The following NELL2 variants were observed in gnomAD, a reference collection of about 807,000 sequenced individuals.
NELL2 encodes protein kinase C-binding protein NELL2.
Under a neutral mutation model 109.6 loss-of-function variants are expected in NELL2, and 41 were observed. That is an observed-to-expected ratio of 0.37 (90% CI 0.29 to 0.49). The LOEUF (loss-of-function observed/expected upper bound fraction) is 0.49. Ranked by LOEUF, NELL2 falls within the 20% of genes least tolerant of loss-of-function variation. NELL2 has a pLI of 0.98. For missense variants in NELL2, 900 were observed against 1,008.3 expected, an observed-to-expected ratio of 0.89 and a Z score of 1.45; for synonymous variants, 355 against 344.7, an observed-to-expected ratio of 1.03 and a Z score of -0.33.
intron 3 of NELL2, among the ~76,000 whole-genome samples, chr12:44,783,406 T>C (rs566537459): frequency 5.3e-5 from 8 of 151,186 alleles, no homozygotes; most frequent in Non-Finnish European, 1.0e-4. Flanking sequence ...TTTAAAAAAA[T>C]TGAAAAAAAT....
In NELL2 at chr12:44,663,874, C is replaced by T. The variant is rs151040771; in HGVS notation, c.1444+1610G>A. On this transcript the variant is annotated intron_variant, in intron 13 of 19. Coordinates refer to ENST00000429094, the MANE Select transcript of NELL2 (RefSeq NM_001145108.2). ...ATGTCCTTTCACTTAAAATTTCTAA[C>T]ACTACTTTAAGAATATAACAAAAAC... Among the ~76,000 whole-genome samples, 684 of 152,212 alleles carry T rather than the reference C, an allele frequency of 4.5e-3. 12 individuals carry two copies. The East Asian group carries it at 0.052, about 12-fold the overall frequency.
chr12:44,513,589 T>G (rs1042912318), intron 19 of NELL2, among the ~76,000 whole-genome samples: 21 of 151,776 alleles, frequency 1.4e-4, no homozygotes, highest in African/African-American at 5.1e-4. Context: ...TACTAAAAAT[T>G]AAGTGGAAAT....
intron 12 of NELL2, among the ~76,000 whole-genome samples, chr12:44,683,197 C>G (rs893751885): frequency 2.6e-5 from 4 of 152,222 alleles, no homozygotes; most frequent in Admixed American, 2.0e-4. Flanking sequence ...AACGGGAGTT[C>G]ACTCATGATT....
exon 1 of NELL2, chr12:44,913,889 G>A: frequency 1.8e-6 from 1 of 569,522 alleles, no homozygotes; most frequent in Non-Finnish European, 2.9e-6. Context: ...ATTGAATAAA[G>A]CATCTTCCTT....
At chr12:44,791,148 CAT>C (rs1942403355) in intron 3 of NELL2, among the ~76,000 whole-genome samples, 3 of 92,496 alleles carry the variant, frequency 3.2e-5, no homozygotes, top group Non-Finnish European at 6.2e-5. Flanking sequence ...CACGCACACA[CAT>C]ACACACACAC....
At chr12:44,750,607 T>A (rs537597003) in intron 9 of NELL2, among the ~76,000 whole-genome samples, 103 of 152,254 alleles carry the variant, frequency 6.8e-4, no homozygotes, top group African/African-American at 2.4e-3. Flanking sequence ...AGGTGACCAT[T>A]GCTCATGGAA....
chr12:44,671,448 A>G (rs1029854524), intron 12 of NELL2, among the ~76,000 whole-genome samples: 1 of 152,184 alleles, frequency 6.6e-6, no homozygotes, highest in East Asian at 1.9e-4. Flanking sequence ...ATCAGACCAG[A>G]AATAAAACAG....
intron 17 of NELL2, among the ~76,000 whole-genome samples, chr12:44,522,482 A>G (rs1341658799): frequency 6.6e-6 from 1 of 152,172 alleles, no homozygotes; most frequent in Non-Finnish European, 1.5e-5. Flanking sequence ...ATACGTAAGT[A>G]TATATTTGTA....
chr12:44,709,481 T>C (rs146004249), intron 11 of NELL2, among the ~76,000 whole-genome samples: 2 of 152,324 alleles, frequency 1.3e-5, no homozygotes, highest in East Asian at 3.9e-4. Context: ...CTTCCAGCCC[T>C]ACAGCATTGA....
chr12:44,759,195 T>C (rs1941016724), intron 9 of NELL2, among the ~76,000 whole-genome samples: 1 of 152,296 alleles, frequency 6.6e-6, no homozygotes, highest in Middle Eastern at 3.4e-3. Flanking sequence ...TCCTCCCTCC[T>C]GAATCATCCT....
At position 44,564,173 on chromosome 12, in the gene NELL2, T is replaced by C. The variant is rs574774167; in HGVS notation, c.1664-31452A>G. ...TTCAAACTAAACATTTTACCTATAGTTTTTAGTGAGTTAAACGACAAATTC... is the reference window on the plus strand; with the variant it reads ...TTCAAACTAAACATTTTACCTATAGCTTTTAGTGAGTTAAACGACAAATTC... On this transcript the variant is annotated intron_variant, in intron 15 of 19. Transcript: ENST00000429094. Among the ~76,000 whole-genome samples, 20 of 152,286 alleles carry C rather than the reference T, an allele frequency of 1.3e-4. 1 individual carries two copies. Among genetic ancestry groups the C allele is most frequent in the Admixed American group, 1.2e-3 (18 of 15,292 alleles).
chr12:44,728,093 TA>T (rs1037540204), intron 9 of NELL2, among the ~76,000 whole-genome samples: 2 of 151,228 alleles, frequency 1.3e-5, no homozygotes, highest in South Asian at 2.1e-4. Flanking sequence ...CTCAGCCTAA[TA>T]AAAAAAATAA....
In NELL2 at chr12:44,774,858, G is replaced by C. The variant is rs1383997666; in HGVS notation, c.892-9C>G. 6.3e-7 allele frequency: 1 copy of C among 1,581,256 alleles called. No individual in the cohort carries two copies. The highest frequency in any genetic ancestry group is 1.7e-5 in the Admixed American group (1 of 57,162). On this transcript the variant is annotated splice_polypyrimidine_tract_variant and intron_variant, in intron 8 of 19. Coordinates refer to ENST00000429094, the MANE Select transcript of NELL2 (RefSeq NM_001145108.2). ...CACTGGATGGTTCCATTCTGAAAAG[G>C]AAACAATATTTAAAGAATTTCCATG...
chr12:44,799,053 G>A (rs1333219914), intron 3 of NELL2, among the ~76,000 whole-genome samples: 5 of 147,366 alleles, frequency 3.4e-5, no homozygotes, highest in Non-Finnish European at 6.0e-5. Context: ...CTGCCTCCCG[G>A]GTTCAAGTGA....
At chr12:44,857,518 C>T (rs1472537588) in intron 2 of NELL2, among the ~76,000 whole-genome samples, 1 of 152,152 alleles carries the variant, frequency 6.6e-6, no homozygotes, top group African/African-American at 2.4e-5. Context: ...GAAATCTTAT[C>T]CTCCATCACC....
Position 44,875,246 on chromosome 12 carries a change from T to C in NELL2, c.163A>G (p.Thr55Ala). 6.2e-7 allele frequency: 1 copy of C among 1,613,650 alleles called. No individual in the cohort carries two copies. Among genetic ancestry groups the C allele is most frequent in the Non-Finnish European group, 8.5e-7 (1 of 1,179,778 alleles). Residue 55 changes from threonine to alanine, a missense_variant, in exon 2 of 20, where the codon ACG becomes GCG. Physicochemically the swap from Thr to Ala is moderately conservative, Grantham distance 58. This residue lies in a region of NELL2 where 200 missense variants were observed against 191.8 expected (regional missense o/e 1.04). Transcript: ENST00000429094. ...ATACCTTGAAAGAGAAAGGCTTTCG[T>C]CCCATTATGCAGCCCCGGGACCTGA... ...VRQVPGLHNG[T>A]KAFLFQDTPR...
chr12:44,738,738 T>C (rs1347178247), intron 9 of NELL2, among the ~76,000 whole-genome samples: 1 of 152,212 alleles, frequency 6.6e-6, no homozygotes, highest in East Asian at 1.9e-4. Context: ...TCTGGAGATC[T>C]AATGTACAGC....
chr12:44,618,997 G>GGCCA (rs1177798887), intron 13 of NELL2, among the ~76,000 whole-genome samples: 13 of 152,084 alleles, frequency 8.5e-5, no homozygotes, highest in African/African-American at 2.7e-4. Context: ...AAAGTAACAA[G>GGCCA]GCCAGACCTT....
intron 9 of NELL2, among the ~76,000 whole-genome samples, chr12:44,733,967 G>C (rs1939506588): frequency 1.3e-5 from 2 of 151,904 alleles, no homozygotes; most frequent in South Asian, 4.1e-4. Flanking sequence ...GTGCTTAAAG[G>C]CTTATGTAAG....
Sources: gnomAD v4.1 joint callset for allele counts (sites outside exome capture counted in the v4.1 genomes callset) on GRCh38, gnomAD v4.1.1 for gene constraint, gnomAD v4.1.1 regional missense constraint, MANE v1.5 for transcripts, NCBI Gene and HGNC (gene_info 2026-07-23, HGNC 2026-07-21) for gene names.